Variants in WWC2 observed in about 807,000 individuals in gnomAD.
WWC2 encodes the protein protein WWC2.
WWC2 carries 101 observed loss-of-function variants against 138.5 expected under a neutral mutation model. The ratio of observed to expected loss-of-function variants is 0.73; its 90% CI spans 0.62 to 0.86. WWC2 has a LOEUF of 0.86. Among genes scored for constraint, WWC2 ranks in the 40% least tolerant of loss-of-function variants. WWC2 has a pLI of 0.00. For missense variants in WWC2, 1,420 were observed against 1,419.4 expected, an observed-to-expected ratio of 1.00 and a Z score of -0.01; for synonymous variants, 558 against 538.4, an observed-to-expected ratio of 1.04 and a Z score of -0.50.
intron 2 of WWC2, among the ~76,000 whole-genome samples, chr4:183,195,332 G>A (rs75306882): frequency 2.0e-5 from 3 of 152,028 alleles, no homozygotes; most frequent in South Asian, 2.1e-4. Flanking sequence ...GCCATCCTGG[G>A]TCAACAAAAA....
intron 2 of WWC2, among the ~76,000 whole-genome samples, chr4:183,199,324 C>T (rs1391171785): frequency 6.6e-6 from 1 of 152,126 alleles, no homozygotes; most frequent in Non-Finnish European, 1.5e-5. Context: ...GCCTGTTCCA[C>T]GGAACTGTAC....
intron 11 of WWC2, among the ~76,000 whole-genome samples, chr4:183,264,308 T>G (rs1737425149): frequency 6.6e-6 from 1 of 152,202 alleles, no homozygotes; most frequent in African/African-American, 2.4e-5. Flanking sequence ...ACCACAGGCT[T>G]GCAGCTCATT....
At chr4:183,210,617 A>C (rs1735570369) in intron 4 of WWC2, among the ~76,000 whole-genome samples, 1 of 152,244 alleles carries the variant, frequency 6.6e-6, no homozygotes, top group South Asian at 2.1e-4. Context: ...ACGGGTATAC[A>C]TTCTGAGAAG....
At chr4:183,148,119 T>C (rs1474927410) in intron 1 of WWC2, among the ~76,000 whole-genome samples, 1 of 152,192 alleles carries the variant, frequency 6.6e-6, no homozygotes, top group Non-Finnish European at 1.5e-5. Context: ...GCGTGTGAGG[T>C]TGTGGCCTCT....
At chr4:183,217,386 T>C (rs905697608) in intron 4 of WWC2, among the ~76,000 whole-genome samples, 4 of 152,182 alleles carry the variant, frequency 2.6e-5, no homozygotes, top group African/African-American at 9.7e-5. Flanking sequence ...AGTTTAAACA[T>C]ATTCACTTTA....
chr4:183,186,760 G>T (rs553766783), intron 1 of WWC2, among the ~76,000 whole-genome samples: 23 of 152,194 alleles, frequency 1.5e-4, no homozygotes, highest in African/African-American at 5.5e-4. Flanking sequence ...AGACAACACA[G>T]TTGTGTTCAG....
intron 1 of WWC2, among the ~76,000 whole-genome samples, chr4:183,168,104 C>T (rs577535476): frequency 6.6e-6 from 1 of 151,870 alleles, no homozygotes; most frequent in South Asian, 2.1e-4. Context: ...GATCTGTCCA[C>T]CTTGGTCCCA....
At chr4:183,240,384 G>C in intron 5 of WWC2, 122 bp downstream of exon 5, 1 of 686,504 alleles carries the variant, frequency 1.5e-6, no homozygotes, top group South Asian at 3.2e-5. Flanking sequence ...AAAAAGTTCA[G>C]AGCTCTACAC....
chr4:183,205,555 G>A (rs551245656), intron 2 of WWC2, among the ~76,000 whole-genome samples: 5 of 152,246 alleles, frequency 3.3e-5, no homozygotes, highest in African/African-American at 9.6e-5. Context: ...TATAAAGTTG[G>A]TTTTGTTGTT....
intron 4 of WWC2, among the ~76,000 whole-genome samples, chr4:183,227,351 T>C (rs1246754763): frequency 2.0e-5 from 3 of 151,986 alleles, no homozygotes; most frequent in Non-Finnish European, 4.4e-5. Flanking sequence ...ATGCACGTCT[T>C]CTCCAGAGTA....
At chr4:183,114,541 G>T (rs990026700) in intron 1 of WWC2, among the ~76,000 whole-genome samples, 1 of 152,156 alleles carries the variant, frequency 6.6e-6, no homozygotes, top group Admixed American at 6.5e-5. Flanking sequence ...TGAAGTTGTG[G>T]GATGGGATGA....
intron 1 of WWC2, among the ~76,000 whole-genome samples, chr4:183,161,568 A>G (rs977871636): frequency 1.3e-5 from 2 of 152,236 alleles, no homozygotes; most frequent in African/African-American, 4.8e-5. Context: ...CACACGCTGC[A>G]TAAGGACATT....
chr4:183,312,318 T>TA (rs773538972), intron 21 of WWC2, 23 bp from the exon 22 acceptor site: 6 of 1,609,810 alleles, frequency 3.7e-6, no homozygotes, highest in Non-Finnish European at 5.1e-6. Flanking sequence ...GTGTGTTTCT[T>TA]ACATTTTTAT....
chr4:183,172,398 A>G lies in WWC2; in HGVS notation c.132-21201A>G, dbSNP rs191226481. 2.1e-3 allele frequency among the ~76,000 whole-genome samples: 314 copies of G among 152,284 alleles called. 4 individuals carry two copies. The highest frequency in any genetic ancestry group is 2.1e-3 in the East Asian group (11 of 5,182). ...AGATTTGTTGAGGCTTTGCATCTCCACAGATGCCATTATTCTGCTCTCATA... is the reference window on the plus strand; with the variant it reads ...AGATTTGTTGAGGCTTTGCATCTCCGCAGATGCCATTATTCTGCTCTCATA... On this transcript the variant is annotated intron_variant, in intron 1 of 22. Coordinates refer to ENST00000403733, the MANE Select transcript of WWC2 (RefSeq NM_024949.6).
At chr4:183,295,625 C>T (rs1738605502) in intron 21 of WWC2, among the ~76,000 whole-genome samples, 1 of 152,216 alleles carries the variant, frequency 6.6e-6, no homozygotes, top group African/African-American at 2.4e-5. Context: ...ACCTTATGTA[C>T]AACACAGTTT....
At chr4:183,124,536 C>CTTTTTTTTTTT (rs370409813) in intron 1 of WWC2, among the ~76,000 whole-genome samples, 50 of 122,780 alleles carry the variant, frequency 4.1e-4, no homozygotes, top group African/African-American at 1.5e-3. Context: ...TCCTTTTTCT[C>CTTTTTTTTTTT]TTTTTTTTTT....
rs200329746 is a variant in WWC2, at chr4:183,143,832, TAC to T, written c.131+44216_131+44217del. On this transcript the variant is annotated intron_variant, in intron 1 of 22. Transcript: ENST00000403733. ...CACCTCCTCCCCGCAAAAAAAAAAA[TAC>T]ACACAAACATTTTAAGGCAAGAATT... 2.3e-3 allele frequency among the ~76,000 whole-genome samples: 351 copies of T among 151,336 alleles called. 7 individuals are homozygous for T. In the East Asian group the frequency reaches 0.058, roughly 25 times the overall value.
At chr4:183,266,249 A>C (rs1737499816) in intron 14 of WWC2, among the ~76,000 whole-genome samples, 1 of 152,014 alleles carries the variant, frequency 6.6e-6, no homozygotes, top group East Asian at 1.9e-4. Flanking sequence ...TATGGGTAAA[A>C]TTTTTGTTTT....
Position 183,265,694 on chromosome 4 carries a change from T to C in WWC2, c.2046T>C (p.Ser682=). 1 of 1,610,170 alleles carries C rather than the reference T, an allele frequency of 6.2e-7. No homozygotes were observed. The highest frequency in any genetic ancestry group is 8.5e-7 in the Non-Finnish European group (1 of 1,178,284). The change falls in exon 13 of 23, where the codon AGT becomes AGC. Residue 682 remains serine, a synonymous_variant. Transcript: ENST00000403733. ...CTACTCCCTGTCCATATAGACCTAG[T>C]GAAATGGAAGATGTCACATACAGTG... ...GVYEAFVKQP[S]EMEDVTYSEE... is the part of the protein sequence containing the mutation.
Sources: gnomAD v4.1 joint callset for allele counts (sites outside exome capture counted in the v4.1 genomes callset) on GRCh38, gnomAD v4.1.1 for gene constraint, MANE v1.5 for transcripts, NCBI Gene and HGNC (gene_info 2026-07-23, HGNC 2026-07-21) for gene names.